The following C2CD3 variants were observed in gnomAD, a reference collection of about 807,000 sequenced individuals.
C2CD3 encodes the protein C2 domain-containing protein 3.
Under a neutral mutation model 234.0 loss-of-function variants are expected in C2CD3, and 148 were observed. That is an observed-to-expected ratio of 0.63 (90% CI 0.55 to 0.72). The LOEUF is 0.72. Ranked by LOEUF, C2CD3 falls within the 30% of genes least tolerant of loss-of-function variation. The pLI, the probability that C2CD3 is intolerant of heterozygous loss-of-function variation, is 0.00. For synonymous variants in C2CD3, 1,000 were observed against 1,035.4 expected, an observed-to-expected ratio of 0.97 and a Z score of 0.66; for missense variants, 2,577 against 2,811.5, an observed-to-expected ratio of 0.92 and a Z score of 1.89.
chr11:74,116,927 CGTGTATATACACATATACACGTATATAT>C lies in C2CD3; in HGVS notation c.1520+1273_1520+1300del, dbSNP rs1265290020. ...ACGTGTATGTATATATACATATACA[CGTGTATATACACATATACACGTATATAT>C]GTGTATATACACATATACACGTATA... On this transcript the variant is annotated intron_variant, in intron 9 of 32. Transcript: ENST00000334126. Among the ~76,000 whole-genome samples the C allele has an allele frequency of 1.0e-3, 93 of 93,186 alleles. 1 individual carries two copies. Among genetic ancestry groups the C allele is most frequent in the African/African-American group, 3.7e-3 (81 of 21,676 alleles). The allele number at this position is 93,186 out of a possible 152,430, so 61.1% of individuals were successfully genotyped here. A position where few individuals can be genotyped will look rare whatever the true frequency, so the allele number is the denominator to read the frequency against.
rs1280667219 is a variant in C2CD3 at position 74,097,998 on chromosome 11, G to T, written c.2979+11C>A. The T allele has an allele frequency of 6.2e-7, 1 of 1,610,612 alleles. No homozygotes were observed. Among genetic ancestry groups the T allele is most frequent in the Non-Finnish European group, 8.5e-7 (1 of 1,178,736 alleles). ...AAATAATGACTTTTTGTAAACCATAGCGTTTATTACCATAGCAACAGATGC... is the reference window on the plus strand; with the variant it reads ...AAATAATGACTTTTTGTAAACCATATCGTTTATTACCATAGCAACAGATGC... On this transcript the variant is annotated intron_variant, in intron 16 of 32. Transcript: ENST00000334126.
intron 5 of C2CD3, among the ~76,000 whole-genome samples, chr11:74,135,771 C>T (rs1011701522): frequency 7.1e-4 from 108 of 152,258 alleles, no homozygotes; most frequent in African/African-American, 2.5e-3. Context: ...TCTATGCTTA[C>T]TAAAGTGGCC....
intron 24 of C2CD3, among the ~76,000 whole-genome samples, chr11:74,063,395 C>T (rs1954345233): frequency 1.3e-5 from 2 of 150,758 alleles, no homozygotes; most frequent in Non-Finnish European, 3.0e-5. Context: ...TACTGGCAAA[C>T]CGAATCCAGC....
intron 28 of C2CD3, 27 bp from the exon 29 acceptor site, chr11:74,042,245 A>G (rs375448791): frequency 1.3e-6 from 2 of 1,536,888 alleles, no homozygotes; most frequent in Non-Finnish European, 1.8e-6. Flanking sequence ...AAAAAAAAGT[A>G]GGAGCAAAAT....
Position 74,133,548 on chromosome 11 carries a change from T to G in C2CD3, c.965A>C (p.Glu322Ala). The G allele has an allele frequency of 1.2e-6, 2 of 1,614,072 alleles. No individual in the cohort carries two copies. ...GGCATTACGCAGTTTATTGCCTTGT[T>G]CTAACAGAGCTGAAGAGGGTAAATG... is the stretch of plus-strand genomic sequence containing the variant. ...PTKDLLSALLEQGNKLRNAMV... is the reference protein window; with the variant it reads ...PTKDLLSALLAQGNKLRNAMV... Residue 322 changes from glutamate to alanine, a missense_variant, in exon 6 of 33, where the codon GAA becomes GCA. By Grantham distance (107) the Glu-to-Ala change is moderately radical. Transcript: ENST00000334126.
intron 8 of C2CD3, among the ~76,000 whole-genome samples, chr11:74,118,931 A>T: frequency 7.0e-6 from 1 of 142,998 alleles, no homozygotes. Flanking sequence ...TTTTTGAGAC[A>T]GGGTCTCACC....
At chr11:74,081,225 A>G (rs1172626781) in intron 22 of C2CD3, among the ~76,000 whole-genome samples, 4 of 152,192 alleles carry the variant, frequency 2.6e-5, no homozygotes, top group Admixed American at 2.6e-4. Context: ...CCCACAAGAT[A>G]AGAAAATGGG....
chr11:74,109,900 G>A (rs1022916939), intron 11 of C2CD3, among the ~76,000 whole-genome samples: 4 of 150,122 alleles, frequency 2.7e-5, no homozygotes, highest in African/African-American at 5.0e-5. Context: ...GTGAAACCCC[G>A]TCTCTACTAA....
intron 28 of C2CD3, 56 bp downstream of exon 28, chr11:74,048,149 T>C (rs1953478460): frequency 6.4e-7 from 1 of 1,569,610 alleles, no homozygotes; most frequent in Non-Finnish European, 8.7e-7. Context: ...GATAAGCCAG[T>C]TCACACACTT....
chr11:74,090,710 T>C, intron 20 of C2CD3, 103 bp downstream of exon 20: 1 of 1,267,090 alleles, frequency 7.9e-7, no homozygotes, highest in Non-Finnish European at 1.1e-6. Flanking sequence ...TTGTGGTTAG[T>C]GAACTGGAAA....
chr11:74,027,781 C>G (rs1952363738), intron 32 of C2CD3, among the ~76,000 whole-genome samples: 1 of 152,206 alleles, frequency 6.6e-6, no homozygotes. Flanking sequence ...CAAGAAAGTT[C>G]AGGTGCTCTG....
intron 3 of C2CD3, among the ~76,000 whole-genome samples, chr11:74,141,905 G>A (rs1490291293): frequency 2.0e-5 from 3 of 151,960 alleles, no homozygotes; most frequent in African/African-American, 7.3e-5. Flanking sequence ...GCTAGGCTGA[G>A]GCAGGAGGAC....
chr11:74,135,513 C>G (rs1957833755), intron 5 of C2CD3, among the ~76,000 whole-genome samples: 1 of 152,062 alleles, frequency 6.6e-6, no homozygotes, highest in South Asian at 2.1e-4. Flanking sequence ...CCTTTTAAAG[C>G]AAATTTTTCT....
chr11:74,036,542 C>T (rs1389472865), intron 30 of C2CD3: 1 of 455,562 alleles, frequency 2.2e-6, no homozygotes, highest in Non-Finnish European at 4.4e-6. Context: ...GTGTTTTTCT[C>T]TCCTGTTAGA....
At chr11:74,078,841 A>G in intron 22 of C2CD3, 124 bp from the exon 23 acceptor site, 1 of 816,540 alleles carries the variant, frequency 1.2e-6, no homozygotes, top group Non-Finnish European at 1.9e-6. Flanking sequence ...ACATACCCAC[A>G]GTGAGTTGGA....
intron 24 of C2CD3, 110 bp from the exon 25 acceptor site, chr11:74,057,654 G>T: frequency 9.1e-7 from 1 of 1,103,158 alleles, no homozygotes; most frequent in Non-Finnish European, 1.3e-6. Flanking sequence ...TGGGGTCTTT[G>T]CTCAAGCTAT....
chr11:74,074,458 A>T lies in C2CD3; in HGVS notation c.4746T>A (p.Ser1582=). The T allele has an allele frequency of 6.2e-7, 1 of 1,614,214 alleles. No individual in the cohort carries two copies. The highest frequency in any genetic ancestry group is 8.5e-7 in the Non-Finnish European group (1 of 1,180,026). ...CATCATTCCTTCTGGGGAGCTGCTCAGACTCACTGTGGCTGCTGCAGTCCA... is the reference window on the plus strand; with the variant it reads ...CATCATTCCTTCTGGGGAGCTGCTCTGACTCACTGTGGCTGCTGCAGTCCA... ...DSMDCSSHSE[S]EQLPRRNDEV... Residue 1582 remains serine (S), a synonymous_variant, in exon 24 of 33, where the codon TCT becomes TCA. Coordinates refer to ENST00000334126, the MANE Select transcript of C2CD3 (RefSeq NM_001286577.2).
At chr11:74,082,692 C>G (rs1393452129) in intron 22 of C2CD3, among the ~76,000 whole-genome samples, 1 of 151,972 alleles carries the variant, frequency 6.6e-6, no homozygotes, top group East Asian at 1.9e-4. Context: ...CCCCCTGTCC[C>G]TCCCCCAAAG....
chr11:74,167,275 T>C (rs1161304291), intron 2 of C2CD3, among the ~76,000 whole-genome samples: 1 of 152,230 alleles, frequency 6.6e-6, no homozygotes, highest in Admixed American at 6.5e-5. Context: ...TCATTTGTTA[T>C]ATTATATAAA....
Sources: allele counts gnomAD v4.1 joint callset (sites outside exome capture counted in the v4.1 genomes callset), GRCh38; gene constraint gnomAD v4.1.1; transcripts MANE v1.5; gene names NCBI Gene and HGNC (gene_info 2026-07-23, HGNC 2026-07-21).